The following SNX29 variants were observed in gnomAD, a reference collection of about 807,000 sequenced individuals.
SNX29 encodes sorting nexin 29.
SNX29 carries 78 observed loss-of-function variants against 102.1 expected under a neutral mutation model. The observed-to-expected ratio is 0.76, with a 90% CI of 0.64 to 0.92. The LOEUF (loss-of-function observed/expected upper bound fraction) is 0.92. SNX29 is among the 40% of genes least tolerant of loss of function. SNX29 has a pLI of 0.00. For missense variants in SNX29, 1,280 were observed against 1,061.7 expected (o/e 1.21, Z -2.86); for synonymous variants, 580 against 414.5 (o/e 1.40, Z -4.85).
chr16:12,245,661 G>C (rs574022608), intron 14 of SNX29, among the ~76,000 whole-genome samples: 1 of 152,060 alleles, frequency 6.6e-6, no homozygotes, highest in East Asian at 1.9e-4. Context: ...TCCTCCTCCT[G>C]GTTTATAGAA....
intron 18 of SNX29, among the ~76,000 whole-genome samples, chr16:12,423,595 G>A (rs1408341888): frequency 1.3e-5 from 2 of 152,112 alleles, no homozygotes; most frequent in African/African-American, 4.8e-5. Context: ...TCTCGAGATG[G>A]AGTCTGGCTC....
At chr16:12,183,239 G>A (rs1017291724) in intron 13 of SNX29, among the ~76,000 whole-genome samples, 2 of 152,124 alleles carry the variant, frequency 1.3e-5, no homozygotes, top group African/African-American at 2.4e-5. Context: ...GGGCTCAAGC[G>A]ATCCTCCCGC....
intron 16 of SNX29, among the ~76,000 whole-genome samples, chr16:12,358,667 G>C (rs1365958217): frequency 6.6e-6 from 1 of 152,188 alleles, no homozygotes; most frequent in Admixed American, 6.5e-5. Context: ...CTGGAGGAAA[G>C]AATACTGCAC....
At chr16:12,179,377 C>T (rs1451171764) in intron 13 of SNX29, among the ~76,000 whole-genome samples, 5 of 152,154 alleles carry the variant, frequency 3.3e-5, no homozygotes, top group African/African-American at 7.2e-5. Context: ...CCTAGCTACT[C>T]GGGAGGCCGA....
chr16:12,200,803 A>G (rs1274362745), intron 14 of SNX29, among the ~76,000 whole-genome samples: 1 of 152,148 alleles, frequency 6.6e-6, no homozygotes, highest in African/African-American at 2.4e-5. Context: ...TTCAGAGTCA[A>G]CCAAACCTGC....
At chr16:12,270,393 G>C (rs956513601) in intron 14 of SNX29, among the ~76,000 whole-genome samples, 2 of 152,160 alleles carry the variant, frequency 1.3e-5, no homozygotes, top group Non-Finnish European at 2.9e-5. Flanking sequence ...ACGTTACTCA[G>C]ACTTTAATTG....
intron 14 of SNX29, among the ~76,000 whole-genome samples, chr16:12,233,618 T>C (rs1351756476): frequency 2.0e-5 from 3 of 152,236 alleles, no homozygotes; most frequent in Non-Finnish European, 4.4e-5. Context: ...CAAACAACTT[T>C]ATTGAGATAT....
intron 19 of SNX29, among the ~76,000 whole-genome samples, chr16:12,522,082 C>T (rs978324808): frequency 6.6e-6 from 1 of 152,190 alleles, no homozygotes; most frequent in African/African-American, 2.4e-5. Flanking sequence ...GGCACAGATG[C>T]TCCACGCTTC....
At chr16:12,441,786 A>T (rs939850204) in intron 18 of SNX29, among the ~76,000 whole-genome samples, 6 of 151,760 alleles carry the variant, frequency 4.0e-5, no homozygotes, top group Admixed American at 2.0e-4. Context: ...ATCCATTTTG[A>T]CTTTTGTTTT....
At chr16:12,225,644 A>C (rs1268092772) in intron 14 of SNX29, among the ~76,000 whole-genome samples, 1 of 152,218 alleles carries the variant, frequency 6.6e-6, no homozygotes, top group African/African-American at 2.4e-5. Flanking sequence ...AAACGGACTA[A>C]TACAGCATCC....
intron 14 of SNX29, among the ~76,000 whole-genome samples, chr16:12,218,112 A>C (rs1211191953): frequency 6.6e-6 from 1 of 152,258 alleles, no homozygotes; most frequent in Non-Finnish European, 1.5e-5. Flanking sequence ...TTGTTTGGAT[A>C]TATTACAGAG....
At chr16:12,233,911 C>T (rs1253688180) in intron 14 of SNX29, among the ~76,000 whole-genome samples, 1 of 152,130 alleles carries the variant, frequency 6.6e-6, no homozygotes, top group Non-Finnish European at 1.5e-5. Context: ...CAAGGTTTAT[C>T]TACATTGTAG....
rs145207921 is a variant in SNX29, at chr16:12,564,609, C to G, written c.2319-3897C>G. ...CTTTTTCTTGTTTGTGAAACTGTAA[C>G]AGACCTAGTCCCAGCATTAACAGAG... On this transcript the variant is annotated intron_variant, in intron 20 of 20. Coordinates refer to ENST00000566228, the MANE Select transcript of SNX29 (RefSeq NM_032167.5). Among the ~76,000 whole-genome samples the G allele has an allele frequency of 7.2e-5, 11 of 152,036 alleles. No homozygotes were observed. The South Asian group carries it at 1.2e-3, about 17-fold the overall frequency.
chr16:12,028,094 C>A (rs1258504614), intron 4 of SNX29, among the ~76,000 whole-genome samples: 2 of 152,280 alleles, frequency 1.3e-5, no homozygotes, highest in African/African-American at 4.8e-5. Context: ...CCTGTGGTCT[C>A]CTCCTCCCCT....
At chr16:12,102,591 T>G (rs897312592) in intron 11 of SNX29, among the ~76,000 whole-genome samples, 1 of 152,214 alleles carries the variant, frequency 6.6e-6, no homozygotes, top group Non-Finnish European at 1.5e-5. Context: ...GCTCATATCC[T>G]TCACCCACTT....
In SNX29 at chr16:12,572,571, A is replaced by C; in HGVS notation, c.*3942A>C. Reference sequence around the variant, plus strand: ...CATCTGGCTCCTCACAGGGAGGTCCAGCCATGTTCTCTGGGCTCCCAGTGA... The same window carrying C: ...CATCTGGCTCCTCACAGGGAGGTCCCGCCATGTTCTCTGGGCTCCCAGTGA... On this transcript the variant is annotated 3_prime_UTR_variant, in exon 21 of 21. Coordinates refer to ENST00000566228, the MANE Select transcript of SNX29 (RefSeq NM_032167.5). The C allele has an allele frequency of 5.6e-6, 6 of 1,064,102 alleles. No homozygotes were observed. The highest frequency in any genetic ancestry group is 4.6e-5 in the South Asian group (1 of 21,972). The allele number at this position is 1,064,102 out of a possible 1,614,324, so 65.9% of individuals were successfully genotyped here.
In SNX29 at chr16:12,025,118, A is replaced by G. The variant is rs534268989; in HGVS notation, c.123-2202A>G. ...GGAGTTGGAGACCAGCCTGGCCGAC[A>G]TGGTGAAACCCCATCTCTACTAAAA... On this transcript the variant is annotated intron_variant, in intron 3 of 20. Coordinates refer to ENST00000566228, the MANE Select transcript of SNX29 (RefSeq NM_032167.5). Among the ~76,000 whole-genome samples, 4 of 152,218 alleles carry G rather than the reference A, an allele frequency of 2.6e-5. No individual in the cohort carries two copies. In the South Asian group the frequency reaches 6.2e-4, roughly 24 times the overall value.
chr16:12,563,742 C>T (rs1423089546), intron 20 of SNX29, among the ~76,000 whole-genome samples: 1 of 152,228 alleles, frequency 6.6e-6, no homozygotes, highest in African/African-American at 2.4e-5. Context: ...TCATTCTTTA[C>T]CCAACAGCCA....
At chr16:12,139,378 A>G (rs1006547283) in intron 13 of SNX29, among the ~76,000 whole-genome samples, 1 of 152,066 alleles carries the variant, frequency 6.6e-6, no homozygotes, top group Non-Finnish European at 1.5e-5. Context: ...TCCCTTTTAG[A>G]CTGTGCGATC....
Sources: allele counts gnomAD v4.1 joint callset (sites outside exome capture counted in the v4.1 genomes callset), GRCh38; gene constraint gnomAD v4.1.1; transcripts MANE v1.5; gene names NCBI Gene and HGNC (gene_info 2026-07-23, HGNC 2026-07-21).